UBE2F: variants seen among roughly 807,000 people sequenced by gnomAD.
UBE2F encodes ubiquitin conjugating enzyme E2 F (putative), also known as NEDD8-conjugating enzyme UBE2F.
Under a neutral mutation model 29.6 loss-of-function variants are expected in UBE2F, and 5 were observed. The ratio of observed to expected loss-of-function variants is 0.17; its 90% CI spans 0.09 to 0.36. The LOEUF is 0.36. UBE2F is among the 10% of genes least tolerant of loss of function. The probability of loss-of-function intolerance (pLI) is 1.00; values close to 1 mark genes in which losing one functional copy is unlikely to be tolerated. For missense variants in UBE2F, 141 were observed against 228.5 expected (o/e 0.62, Z 2.47); for synonymous variants, 66 against 81.8 (o/e 0.81, Z 1.04).
At chr2:238,026,128 T>C (rs1322403132) in intron 6 of UBE2F, among the ~76,000 whole-genome samples, 1 of 152,242 alleles carries the variant, frequency 6.6e-6, no homozygotes, top group Admixed American at 6.5e-5. Context: ...TCAGACCACC[T>C]GGACCTGAGT....
At position 238,035,904 on chromosome 2, in the gene UBE2F, G is replaced by C; in HGVS notation, c.471G>C (p.Leu157=). Residue 157 remains leucine (L), a synonymous_variant, in exon 9 of 10, where the codon CTG becomes CTC. Transcript: ENST00000272930. ...FTDLLNFDDP[L]NIEAAEHHLR... is the part of the protein sequence containing the mutation. ...ATCTTTTGAATTTTGATGATCCACTGAATATTGAAGCTGCAGAACATCATT... is the reference window on the plus strand; with the variant it reads ...ATCTTTTGAATTTTGATGATCCACTCAATATTGAAGCTGCAGAACATCATT... 1 of 1,613,066 alleles carries C rather than the reference G, an allele frequency of 6.2e-7. No homozygotes were observed. The highest frequency in any genetic ancestry group is 1.1e-5 in the South Asian group (1 of 91,018).
intron 4 of UBE2F, among the ~76,000 whole-genome samples, chr2:238,007,923 T>G (rs897354217): frequency 6.6e-6 from 1 of 152,210 alleles, no homozygotes. Context: ...TCCTATTCTC[T>G]GGAAGAGTTT....
At chr2:237,996,617 AG>A (rs899717776) in intron 4 of UBE2F, among the ~76,000 whole-genome samples, 2 of 151,930 alleles carry the variant, frequency 1.3e-5, no homozygotes, top group Non-Finnish European at 2.9e-5. Context: ...CTGGGATTAC[AG>A]GCATGCGCCA....
intron 4 of UBE2F, among the ~76,000 whole-genome samples, chr2:238,004,289 TCATGGTAGTGGTTA>T (rs1361623186): frequency 6.6e-6 from 1 of 152,236 alleles, no homozygotes; most frequent in Admixed American, 6.5e-5. Context: ...AAAACTTTAC[TCATGGTAGTGGTTA>T]CATGGTGGTA....
At chr2:238,010,031 C>T (rs188358945) in intron 4 of UBE2F, among the ~76,000 whole-genome samples, 1 of 152,138 alleles carries the variant, frequency 6.6e-6, no homozygotes, top group African/African-American at 2.4e-5. Flanking sequence ...AGTTTTTCTC[C>T]TGGCACTCAT....
chr2:237,968,793 G>A (rs1268879552), intron 1 of UBE2F: 10 of 969,566 alleles, frequency 1.0e-5, no homozygotes, highest in Non-Finnish European at 1.2e-5. Context: ...CAGCTGATCT[G>A]TTACCGAAAT....
chr2:237,991,587 C>CTTTTTTTTTTTTTTTTTTTT (rs2063587997), intron 3 of UBE2F, among the ~76,000 whole-genome samples: 1 of 107,378 alleles, frequency 9.3e-6, no homozygotes. Flanking sequence ...AGAACTTAAC[C>CTTTTTTTTTTTTTTTTTTTT]TTTCTTTTCT....
chr2:237,967,229 G>C lies in UBE2F; in HGVS notation c.-17+97G>C, dbSNP rs2063073515. 1.2e-6 allele frequency: 1 copy of C among 821,474 alleles called. No individual in the cohort carries two copies. Among genetic ancestry groups the C allele is most frequent in the Admixed American group, 6.3e-5 (1 of 15,902 alleles). The allele number at this position is 821,474 out of a possible 1,614,324, so 50.9% of individuals were successfully genotyped here. Reference sequence around the variant, plus strand: ...GGGCGGAGGGCGCGGGCGGTGGCGGGGCCGCCTCGGGCCCGCCGGGTTCCT... The same window carrying C: ...GGGCGGAGGGCGCGGGCGGTGGCGGCGCCGCCTCGGGCCCGCCGGGTTCCT... On this transcript the variant is annotated intron_variant, in intron 1 of 9. Transcript: ENST00000272930. The surrounding 1 kb of genome is among the most constrained non-coding windows in gnomAD (Gnocchi z 6.3).
intron 5 of UBE2F, among the ~76,000 whole-genome samples, chr2:238,017,711 A>C (rs4663830): frequency 0.86 from 130,672 of 152,134 alleles, 56,270 homozygotes; most frequent in East Asian, 0.97. Context: ...ATGTATTCCT[A>C]CTCACGTGTT....
intron 6 of UBE2F, among the ~76,000 whole-genome samples, chr2:238,026,932 T>C (rs1207853936): frequency 2.6e-5 from 4 of 152,226 alleles, no homozygotes; most frequent in Non-Finnish European, 5.9e-5. Flanking sequence ...CCACTATCTT[T>C]GGTTGCAGGT....
chr2:237,995,304 G>C (rs1305161095), intron 4 of UBE2F, among the ~76,000 whole-genome samples: 1 of 152,226 alleles, frequency 6.6e-6, no homozygotes. Flanking sequence ...ATTACCAGCT[G>C]TCCTCAGTAA....
Position 238,040,221 on chromosome 2 carries a change from C to T in UBE2F, c.508-1067C>T, listed in dbSNP as rs1171475796. Among the ~76,000 whole-genome samples, 1 of 152,230 alleles carries T rather than the reference C, an allele frequency of 6.6e-6. No individual in the cohort carries two copies. The highest frequency in any genetic ancestry group is 2.1e-4 in the South Asian group (1 of 4,832). On this transcript the variant is annotated intron_variant, in intron 9 of 9. Transcript: ENST00000272930. This position sits in a 1 kb window ranked among gnomAD's most constrained non-coding sequence, Gnocchi z 4.4. ...AAAAGTGTGGCAGGAGGGCAGGCAC[C>T]TGGTGCCCAGCTGGCCAGGACCATG...
chr2:237,986,689 G>T (rs902508025), intron 2 of UBE2F, among the ~76,000 whole-genome samples: 1 of 152,144 alleles, frequency 6.6e-6, no homozygotes, highest in Non-Finnish European at 1.5e-5. Flanking sequence ...GATTTTTCAT[G>T]TATGGTATAA....
At chr2:237,981,412 A>G (rs1414186843) in intron 2 of UBE2F, among the ~76,000 whole-genome samples, 1 of 152,086 alleles carries the variant, frequency 6.6e-6, no homozygotes, top group African/African-American at 2.4e-5. Context: ...TAAAATGCCA[A>G]GCATCTTTAT....
intron 4 of UBE2F, among the ~76,000 whole-genome samples, chr2:238,010,407 G>C (rs1576621070): frequency 6.6e-6 from 1 of 152,340 alleles, no homozygotes; most frequent in East Asian, 1.9e-4. Flanking sequence ...TCTTGACCTT[G>C]TGATCCGCCT....
At chr2:238,036,154 TG>T (rs59189748) in intron 9 of UBE2F, among the ~76,000 whole-genome samples, 1,800 of 152,218 alleles carry the variant, frequency 0.012, 43 homozygotes, top group African/African-American at 0.041. Context: ...GGTGTGTGTT[TG>T]TTTTTTTGTT....
chr2:238,010,329 A>G (rs2063995770), intron 4 of UBE2F, among the ~76,000 whole-genome samples: 1 of 152,140 alleles, frequency 6.6e-6, no homozygotes, highest in Non-Finnish European at 1.5e-5. Context: ...ACCCGCCACT[A>G]TGCCCGACTG....
At chr2:237,969,311 G>A (rs1382532164) in intron 1 of UBE2F, among the ~76,000 whole-genome samples, 2 of 152,006 alleles carry the variant, frequency 1.3e-5, no homozygotes, top group Non-Finnish European at 2.9e-5. Flanking sequence ...CTGTAGTGGT[G>A]CAGAAGAGTT....
intron 2 of UBE2F, chr2:237,986,370 C>T (rs1055551221): frequency 1.2e-5 from 2 of 164,888 alleles, no homozygotes; most frequent in Non-Finnish European, 2.7e-5. Flanking sequence ...CCCAGGTAGG[C>T]CTTTAAACTC....
Sources: allele counts gnomAD v4.1 joint callset (sites outside exome capture counted in the v4.1 genomes callset), GRCh38; gene constraint gnomAD v4.1.1; non-coding constraint Gnocchi (gnomAD v3.1); transcripts MANE v1.5; gene names NCBI Gene and HGNC (gene_info 2026-07-23, HGNC 2026-07-21).